EFL1: variants seen among roughly 807,000 people sequenced by gnomAD.
EFL1 encodes the protein elongation factor-like GTPase 1.
EFL1 carries 76 observed loss-of-function variants against 126.7 expected under a neutral mutation model. The ratio of observed to expected loss-of-function variants is 0.60; its 90% CI spans 0.50 to 0.73. EFL1 has a LOEUF of 0.73. EFL1 is among the 30% of genes least tolerant of loss of function. The pLI is 0.00. For missense variants in EFL1, 1,128 were observed against 1,343.2 expected (o/e 0.84, Z 2.50); for synonymous variants, 410 against 448.4 (o/e 0.91, Z 1.08).
chr15:82,227,207 T>C (rs1567071103), intron 11 of EFL1, among the ~76,000 whole-genome samples: 1 of 152,136 alleles, frequency 6.6e-6, no homozygotes, highest in Non-Finnish European at 1.5e-5. Flanking sequence ...ACGAGGAGCA[T>C]GTGTACAAGT....
chr15:82,224,000 G>A (rs901519194), intron 12 of EFL1, among the ~76,000 whole-genome samples: 2 of 152,198 alleles, frequency 1.3e-5, no homozygotes, highest in African/African-American at 4.8e-5. Flanking sequence ...CCTTTCCCCT[G>A]AAGGACAAAC....
chr15:82,257,466 C>T (rs2075076243), intron 3 of EFL1, among the ~76,000 whole-genome samples: 2 of 152,066 alleles, frequency 1.3e-5, no homozygotes, highest in African/African-American at 4.8e-5. Context: ...AGGAACATTA[C>T]CAGGTCAAAA....
At chr15:82,252,153 A>C (rs899244890) in intron 4 of EFL1, among the ~76,000 whole-genome samples, 28 of 152,250 alleles carry the variant, frequency 1.8e-4, no homozygotes, top group Non-Finnish European at 4.4e-5. Flanking sequence ...AGTTTATTGA[A>C]CCATTCTCCT....
chr15:82,228,466 T>A, intron 9 of EFL1, 139 bp from the exon 10 acceptor site: 1 of 1,123,600 alleles, frequency 8.9e-7, no homozygotes, highest in Non-Finnish European at 1.2e-6. Context: ...AAGGGAATCC[T>A]GCCGCCACAC....
intron 19 of EFL1, among the ~76,000 whole-genome samples, chr15:82,133,557 T>C (rs2073683368): frequency 6.6e-6 from 1 of 152,230 alleles, no homozygotes; most frequent in Non-Finnish European, 1.5e-5. Context: ...GTCAATGTAC[T>C]GTAAGAGATG....
chr15:82,197,008 G>A (rs2074415219), intron 15 of EFL1, among the ~76,000 whole-genome samples: 2 of 151,122 alleles, frequency 1.3e-5, no homozygotes, highest in African/African-American at 4.9e-5. Context: ...CTCCAGCTTG[G>A]GCGACAGAGC....
intron 9 of EFL1, 42 bp downstream of exon 9, chr15:82,228,992 T>C: frequency 6.6e-7 from 1 of 1,510,448 alleles, no homozygotes; most frequent in Non-Finnish European, 9.0e-7. Flanking sequence ...AGACAAATTA[T>C]ACTGCCTAAA....
chr15:82,202,398 TTTTC>T (rs1388345228), intron 15 of EFL1, among the ~76,000 whole-genome samples: 4 of 152,228 alleles, frequency 2.6e-5, no homozygotes, highest in Non-Finnish European at 4.4e-5. Flanking sequence ...TCACTTATCA[TTTTC>T]TTTCTTTATG....
chr15:82,254,249 C>G (rs543566774), intron 3 of EFL1, among the ~76,000 whole-genome samples: 141 of 152,314 alleles, frequency 9.3e-4, no homozygotes, highest in African/African-American at 3.3e-3. Flanking sequence ...TTCCAAGAGT[C>G]TGAAACCTCT....
intron 16 of EFL1, among the ~76,000 whole-genome samples, chr15:82,162,636 G>A (rs2074035249): frequency 6.6e-6 from 1 of 152,204 alleles, no homozygotes; most frequent in South Asian, 2.1e-4. Context: ...TCAGTCCACA[G>A]TGACAGCCCA....
At chr15:82,187,825 CTACT>C (rs1026278779) in intron 15 of EFL1, among the ~76,000 whole-genome samples, 12 of 151,586 alleles carry the variant, frequency 7.9e-5, no homozygotes, top group African/African-American at 1.5e-4. Context: ...TCTTTTTTAC[CTACT>C]TAATCTACTT....
intron 15 of EFL1, among the ~76,000 whole-genome samples, chr15:82,203,397 C>T (rs2074491242): frequency 6.6e-6 from 1 of 152,164 alleles, no homozygotes; most frequent in Non-Finnish European, 1.5e-5. Flanking sequence ...GAGACGGAGT[C>T]TCGCTCTGTC....
At chr15:82,160,480 A>G (rs1215975188) in intron 16 of EFL1, among the ~76,000 whole-genome samples, 1 of 152,220 alleles carries the variant, frequency 6.6e-6, no homozygotes, top group Non-Finnish European at 1.5e-5. Context: ...ATCACAAATC[A>G]ATATTATCTA....
At chr15:82,154,061 C>T (rs947053553) in intron 17 of EFL1, among the ~76,000 whole-genome samples, 3 of 152,130 alleles carry the variant, frequency 2.0e-5, no homozygotes, top group East Asian at 3.9e-4. Flanking sequence ...CCACTTTAGT[C>T]CTTCTAATTC....
In EFL1 at chr15:82,230,883, T is replaced by G; in HGVS notation, c.820A>C (p.Asn274His). ...TTCATGATCTTTTTAGCCTTCATATTTATATAGTAATCTCCCCACAAGGTT... is the reference window on the plus strand; with the variant it reads ...TTCATGATCTTTTTAGCCTTCATATGTATATAGTAATCTCCCCACAAGGTT... ...MKTLWGDYYI[N>H]MKAKKIMKGD... The change falls in exon 8 of 20, where the codon AAT becomes CAT. Residue 274 changes from asparagine (N) to histidine (H), a missense_variant. By Grantham distance (68) the Asn-to-His change is moderately conservative. Coordinates refer to ENST00000268206, the MANE Select transcript of EFL1 (RefSeq NM_024580.6). 6.2e-7 allele frequency: 1 copy of G among 1,612,996 alleles called. No individual in the cohort carries two copies. Among genetic ancestry groups the G allele is most frequent in the Non-Finnish European group, 8.5e-7 (1 of 1,179,414 alleles).
At position 82,151,945 on chromosome 15, in the gene EFL1, C is replaced by T; in HGVS notation, c.2509G>A (p.Val837Ile). 2 of 1,614,092 alleles carry T rather than the reference C, an allele frequency of 1.2e-6. No homozygotes were observed. Among genetic ancestry groups the T allele is most frequent in the Non-Finnish European group, 1.7e-6 (2 of 1,180,016 alleles). ...TTCTGAAAATCTTCACTTTTATTGACTAGTATGTTGGGCCCACATTTTCTT... is the reference window on the plus strand; with the variant it reads ...TTCTGAAAATCTTCACTTTTATTGATTAGTATGTTGGGCCCACATTTTCTT... ...GPRKCGPNIL[V>I]NKSEDFQNSV... The change falls in exon 18 of 20, where the codon GTC becomes ATC. Residue 837 changes from valine (V) to isoleucine (I), a missense_variant. Around this residue, in one of 6 missense-constraint regions of EFL1, gnomAD observed 561 missense variants for 641.7 expected, o/e 0.87. Transcript: ENST00000268206.
At chr15:82,152,978 C>T (rs1595945383) in intron 17 of EFL1, among the ~76,000 whole-genome samples, 2 of 152,130 alleles carry the variant, frequency 1.3e-5, no homozygotes, top group Non-Finnish European at 2.9e-5. Context: ...TGGAAATGTT[C>T]TATATGTTTA....
chr15:82,208,982 T>G (rs911808298), intron 15 of EFL1, among the ~76,000 whole-genome samples: 2 of 151,870 alleles, frequency 1.3e-5, no homozygotes, highest in African/African-American at 4.8e-5. Context: ...ATATGACACA[T>G]AACTACTAGG....
intron 18 of EFL1, among the ~76,000 whole-genome samples, chr15:82,144,732 T>C (rs1391501731): frequency 6.6e-6 from 1 of 152,138 alleles, no homozygotes. Flanking sequence ...GGGTGGCTCA[T>C]GCCTGTAATC....
Sources: allele counts gnomAD v4.1 joint callset (sites outside exome capture counted in the v4.1 genomes callset), GRCh38; gene constraint gnomAD v4.1.1; regional missense constraint gnomAD v4.1.1; transcripts MANE v1.5; gene names NCBI Gene and HGNC (gene_info 2026-07-23, HGNC 2026-07-21).